Variants in SH3TC2 observed in about 807,000 individuals in gnomAD.
SH3TC2 encodes SH3 domain and tetratricopeptide repeat-containing protein 2.
Under a neutral mutation model 124.5 loss-of-function variants are expected in SH3TC2, and 87 were observed. The observed-to-expected ratio is 0.70, with a 90% confidence interval of 0.59 to 0.84. The LOEUF (loss-of-function observed/expected upper bound fraction) is 0.84. Ranked by LOEUF, SH3TC2 falls within the 40% of genes least tolerant of loss-of-function variation. The pLI is 0.00. For synonymous variants in SH3TC2, 634 were observed against 628.5 expected, an observed-to-expected ratio of 1.01 and a Z score of -0.13; for missense variants, 1,536 against 1,566.4, an observed-to-expected ratio of 0.98 and a Z score of 0.33.
rs540582352 is a variant in SH3TC2 at position 149,028,385 on chromosome 5, G to T, written c.1347C>A (p.Asp449Glu). The change falls in exon 11 of 17, where the codon GAC becomes GAA. Residue 449 changes from aspartate to glutamate, a missense_variant. Transcript: ENST00000515425. ...TGCTTAGGTCCATGAGCAGTTCCGGGTCATCAAGGTCATCAGGCTCCGGCA... is the reference window on the plus strand; with the variant it reads ...TGCTTAGGTCCATGAGCAGTTCCGGTTCATCAAGGTCATCAGGCTCCGGCA... ...YRLPEPDDLD[D>E]PELLMDLSTG... 20 of 1,614,106 alleles carry T rather than the reference G, an allele frequency of 1.2e-5. 1 individual carries two copies. The South Asian group carries it at 2.1e-4, about 17-fold the overall frequency.
chr5:149,024,327 A>G (rs6580591), intron 12 of SH3TC2, among the ~76,000 whole-genome samples: 68,128 of 152,008 alleles, frequency 0.45, 15,942 homozygotes, highest in African/African-American at 0.57. Flanking sequence ...TGTCTCCTCC[A>G]TGCCAAGCTC....
chr5:148,998,319 G>A lies in SH3TC2; in HGVS notation c.*6392C>T, dbSNP rs114817736. On this transcript the variant is annotated 3_prime_UTR_variant, in exon 17 of 17. Coordinates refer to ENST00000515425, the MANE Select transcript of SH3TC2 (RefSeq NM_024577.4). ...ATTCAGAACTATTAATATTAAATAC[G>A]TTCTTTACCAATGATACACTATTTA... 0.016 allele frequency among the ~76,000 whole-genome samples: 2,511 copies of A among 152,242 alleles called. 32 individuals carry two copies. Among genetic ancestry groups the A allele is most frequent in the South Asian group, 0.034 (164 of 4,826 alleles).
intron 12 of SH3TC2, 142 bp downstream of exon 12, chr5:149,026,430 G>T: frequency 1.1e-6 from 1 of 931,372 alleles, no homozygotes; most frequent in Admixed American, 1.9e-5. Flanking sequence ...TGGATGCATT[G>T]TGGTGGCTGC....
rs1366272986 is a variant in SH3TC2 at position 148,998,204 on chromosome 5, G to A, written c.*6507C>T. The stretch of plus-strand genomic sequence containing the variant: ...CATATGCACAAACATATGCACACGA[G>A]GATAAACCATAAAATGCATTTCTTA... On this transcript the variant is annotated 3_prime_UTR_variant, in exon 17 of 17. Coordinates refer to ENST00000515425, the MANE Select transcript of SH3TC2 (RefSeq NM_024577.4). 6.6e-6 allele frequency among the ~76,000 whole-genome samples: 1 copy of A among 152,086 alleles called. No homozygotes were observed. Among genetic ancestry groups the A allele is most frequent in the East Asian group, 1.9e-4 (1 of 5,194 alleles).
chr5:149,032,079 G>A (rs1167334394), intron 8 of SH3TC2, among the ~76,000 whole-genome samples: 1 of 152,168 alleles, frequency 6.6e-6, no homozygotes, highest in African/African-American at 2.4e-5. Flanking sequence ...GTTGAAAAGG[G>A]ACCATTAAAA....
At chr5:149,015,813 G>C (rs1260971071) in intron 12 of SH3TC2, among the ~76,000 whole-genome samples, 2 of 152,158 alleles carry the variant, frequency 1.3e-5, no homozygotes, top group African/African-American at 4.8e-5. Context: ...GTCATGTCCT[G>C]TTTTGATGAC....
In SH3TC2 at chr5:149,014,845, G is replaced by C. The variant is rs561847241; in HGVS notation, c.3054-2111C>G. 2.0e-5 allele frequency among the ~76,000 whole-genome samples: 3 copies of C among 152,220 alleles called. No individual in the cohort carries two copies. In the South Asian group the frequency reaches 6.2e-4, roughly 32 times the overall value. ...CTCAAGCCGGGTTGAGATTCAGCAG[G>C]CCTGGCCTCCACAACTCTCCTCACT... On this transcript the variant is annotated intron_variant, in intron 12 of 16. Transcript: ENST00000515425.
At chr5:149,017,778 C>T (rs1288213157) in intron 12 of SH3TC2, among the ~76,000 whole-genome samples, 1 of 152,132 alleles carries the variant, frequency 6.6e-6, no homozygotes, top group Non-Finnish European at 1.5e-5. Context: ...TTTCTTTTGC[C>T]TAGGGCAAAA....
chr5:149,000,669 A>G lies in SH3TC2; in HGVS notation c.*4042T>C, dbSNP rs1317619738. Among the ~76,000 whole-genome samples, 6 of 152,164 alleles carry G rather than the reference A, an allele frequency of 3.9e-5. No individual in the cohort carries two copies. The highest frequency in any genetic ancestry group is 8.8e-5 in the Non-Finnish European group (6 of 68,028). On this transcript the variant is annotated 3_prime_UTR_variant, in exon 17 of 17. Coordinates refer to ENST00000515425, the MANE Select transcript of SH3TC2 (RefSeq NM_024577.4). ...TACACACACGTGTACATATACACAC[A>G]CAACTGTGAAGGAAGCCCTGAACAG...
At chr5:149,025,171 G>A (rs961969594) in intron 12 of SH3TC2, among the ~76,000 whole-genome samples, 1 of 152,102 alleles carries the variant, frequency 6.6e-6, no homozygotes, top group Non-Finnish European at 1.5e-5. Context: ...ATGAAAGCAG[G>A]GTGGAGCTGG....
rs1402340969 is a variant in SH3TC2, at chr5:148,996,980, CTAAG to C, written c.*7727_*7730del. Among the ~76,000 whole-genome samples, 3 of 152,136 alleles carry C rather than the reference CTAAG, an allele frequency of 2.0e-5. No individual in the cohort carries two copies. The highest frequency in any genetic ancestry group is 6.6e-5 in the Admixed American group (1 of 15,266). ...GTAGATAATTAAGCATTCCTGAATA[CTAAG>C]TGAGTAAAAAAAGTGCTACTACCAA... is the stretch of plus-strand genomic sequence containing the variant. On this transcript the variant is annotated 3_prime_UTR_variant, in exon 17 of 17. Transcript: ENST00000515425.
At chr5:149,059,005 T>G (rs1209090895) in intron 1 of SH3TC2, among the ~76,000 whole-genome samples, 1 of 151,938 alleles carries the variant, frequency 6.6e-6, no homozygotes, top group East Asian at 1.9e-4. Context: ...GCCCTGGCAA[T>G]GAGAAGTGAG....
chr5:149,047,446 T>C lies in SH3TC2; in HGVS notation c.279+416A>G, dbSNP rs951507737. ...ATGTACTTAGTGTCATAGAGAATCA[T>C]ACACTTAAAAAATGATTAAAATGGA... On this transcript the variant is annotated intron_variant, in intron 3 of 16. Transcript: ENST00000515425. The C allele has an allele frequency of 1.9e-5, 5 of 256,518 alleles. No homozygotes were observed. The East Asian group carries it at 3.8e-4, about 19-fold the overall frequency. The allele number at this position is 256,518 out of a possible 1,614,324, so 15.9% of individuals were successfully genotyped here.
At chr5:149,044,295 A>C (rs181463667) in intron 4 of SH3TC2, 13 of 463,452 alleles carry the variant, frequency 2.8e-5, no homozygotes, top group Non-Finnish European at 3.6e-5. Flanking sequence ...TATCTAATAA[A>C]AAAAGATCTC....
rs953377773 is a variant in SH3TC2 at position 148,989,246 on chromosome 5, T to C, written c.*15465A>G. Among the ~76,000 whole-genome samples the C allele has an allele frequency of 1.3e-5, 2 of 152,224 alleles. No homozygotes were observed. Among genetic ancestry groups the C allele is most frequent in the African/African-American group, 4.8e-5 (2 of 41,460 alleles). On this transcript the variant is annotated 3_prime_UTR_variant, in exon 17 of 17. Coordinates refer to ENST00000515425, the MANE Select transcript of SH3TC2 (RefSeq NM_024577.4). Reference sequence around the variant, plus strand: ...ACGACCTATTACATTCCAGCCACCATGCTAACTGCTTTAGACATATTAATT... The same window carrying C: ...ACGACCTATTACATTCCAGCCACCACGCTAACTGCTTTAGACATATTAATT...
chr5:149,029,864 G>C (rs1194851082), intron 9 of SH3TC2, among the ~76,000 whole-genome samples: 1 of 152,104 alleles, frequency 6.6e-6, no homozygotes, highest in Non-Finnish European at 1.5e-5. Context: ...AGCTGCTAGA[G>C]GGAAGATTCT....
chr5:149,031,978 G>A (rs1476331387), intron 8 of SH3TC2, among the ~76,000 whole-genome samples: 1 of 152,044 alleles, frequency 6.6e-6, no homozygotes, highest in Admixed American at 6.5e-5. Context: ...GAAAAACAAA[G>A]CCCCTTCTCT....
rs1249787649 is a variant in SH3TC2 at position 149,038,565 on chromosome 5, G to GA, written c.806-76dup. On this transcript the variant is annotated intron_variant, in intron 7 of 16. Coordinates refer to ENST00000515425, the MANE Select transcript of SH3TC2 (RefSeq NM_024577.4). ...CCTCCCATCACCTTCCAATGCAATA[G>GA]AAAATGAGGGGTTCCCAGACTTTAG... 3 of 1,455,498 alleles carry GA rather than the reference G, an allele frequency of 2.1e-6. No individual in the cohort carries two copies. In the African/African-American group the frequency reaches 4.2e-5, roughly 20 times the overall value. The allele number at this position is 1,455,498 out of a possible 1,614,324, so 90.2% of individuals were successfully genotyped here. A position where few individuals can be genotyped will look rare whatever the true frequency, so the allele number is the denominator to read the frequency against.
chr5:148,982,946 G>T lies in SH3TC2; in HGVS notation c.*21765C>A, dbSNP rs1428651237. 2.6e-5 allele frequency among the ~76,000 whole-genome samples: 4 copies of T among 152,332 alleles called. No homozygotes were observed. The South Asian group carries it at 8.3e-4, about 32-fold the overall frequency. ...CTGACGCAGCAGAGGCATCATGTCT[G>T]CAAGTAGAAGATGTTGGTCTCAGGC... On this transcript the variant is annotated 3_prime_UTR_variant, in exon 17 of 17. Transcript: ENST00000515425.
Sources: allele counts gnomAD v4.1 joint callset (sites outside exome capture counted in the v4.1 genomes callset), GRCh38; gene constraint gnomAD v4.1.1; transcripts MANE v1.5; gene names NCBI Gene and HGNC (gene_info 2026-07-23, HGNC 2026-07-21).